Variants in CCDC181 observed in about 807,000 individuals in gnomAD.
The protein encoded by CCDC181 is coiled-coil domain containing 181.
Under a neutral mutation model 58.7 loss-of-function variants are expected in CCDC181, and 35 were observed. The ratio of observed to expected loss-of-function variants is 0.60; its 90% CI spans 0.46 to 0.79. The LOEUF (loss-of-function observed/expected upper bound fraction) is 0.79. Among genes scored for constraint, CCDC181 ranks in the 30% least tolerant of loss-of-function variants. The probability of loss-of-function intolerance (pLI) is 0.00; values close to 1 mark genes in which losing one functional copy is unlikely to be tolerated. For missense variants in CCDC181, 517 were observed against 583.9 expected, an observed-to-expected ratio of 0.89 and a Z score of 1.18; for synonymous variants, 183 against 197.5, an observed-to-expected ratio of 0.93 and a Z score of 0.62.
Position 169,395,092 on chromosome 1 carries a change from A to G in CCDC181, c.1485T>C (p.Tyr495=), listed in dbSNP as rs769603544. 15 of 1,612,788 alleles carry G rather than the reference A, an allele frequency of 9.3e-6. No individual in the cohort carries two copies. Among genetic ancestry groups the G allele is most frequent in the African/African-American group, 1.3e-5 (1 of 74,854 alleles). ...AACGAAAAGGTTTGGCTTCTGACAT[A>G]TATAGGTGGTGCTGTAACTGTTTAG... ...KRSKQLQHHL[Y]MSEAKPFRFT... Residue 495 remains tyrosine (Y), a synonymous_variant, in exon 6 of 6, where the codon TAT becomes TAC. Transcript: ENST00000367806.
chr1:169,448,782 G>A (rs1196390193), intron 2 of CCDC181, among the ~76,000 whole-genome samples: 1 of 151,896 alleles, frequency 6.6e-6, no homozygotes, highest in Non-Finnish European at 1.5e-5. Flanking sequence ...TTCTCTTTTG[G>A]TATTTCAACA....
intron 2 of CCDC181, among the ~76,000 whole-genome samples, chr1:169,434,157 C>T (rs79757681): frequency 0.015 from 2,205 of 151,914 alleles, 58 homozygotes; most frequent in African/African-American, 0.05. Context: ...GACATTTCTC[C>T]GAAAATACAT....
intron 4 of CCDC181, among the ~76,000 whole-genome samples, chr1:169,412,879 T>G (rs1481316415): frequency 6.6e-6 from 1 of 152,144 alleles, no homozygotes; most frequent in Non-Finnish European, 1.5e-5. Flanking sequence ...TAACTCAAGA[T>G]GGATTAAAGA....
intron 4 of CCDC181, among the ~76,000 whole-genome samples, chr1:169,402,567 G>C (rs1225947183): frequency 6.6e-6 from 1 of 152,090 alleles, no homozygotes; most frequent in Admixed American, 6.6e-5. Flanking sequence ...AGCTTCATAA[G>C]TGAAGGAGAA....
intron 2 of CCDC181, 75 bp downstream of exon 2, chr1:169,424,733 GATA>G: frequency 1.3e-6 from 1 of 792,996 alleles, no homozygotes; most frequent in South Asian, 1.8e-5. Flanking sequence ...GTTTAGATGA[GATA>G]ATAATGTGAA....
intron 4 of CCDC181, among the ~76,000 whole-genome samples, chr1:169,401,851 T>C (rs780374421): frequency 7.2e-5 from 11 of 152,066 alleles, no homozygotes; most frequent in Non-Finnish European, 1.5e-4. Context: ...AATAACAAAC[T>C]TCTCCGAGCT....
intron 2 of CCDC181, among the ~76,000 whole-genome samples, chr1:169,436,772 T>G (rs1258683698): frequency 6.6e-6 from 1 of 152,220 alleles, no homozygotes; most frequent in Non-Finnish European, 1.5e-5. Flanking sequence ...TTCATTCAAT[T>G]TAGCCTGTTG....
intron 4 of CCDC181, among the ~76,000 whole-genome samples, chr1:169,399,486 A>AG (rs1378726529): frequency 6.6e-6 from 1 of 152,240 alleles, no homozygotes; most frequent in Non-Finnish European, 1.5e-5. Flanking sequence ...TATCATCAGA[A>AG]TGATAGACTG....
intron 2 of CCDC181, among the ~76,000 whole-genome samples, chr1:169,455,619 T>C (rs1359156072): frequency 6.6e-6 from 1 of 152,124 alleles, no homozygotes; most frequent in East Asian, 1.9e-4. Context: ...TTCAGAGATA[T>C]TAGTGGATAA....
intron 2 of CCDC181, chr1:169,442,614 T>C (rs1260522332): frequency 4.6e-5 from 7 of 152,146 alleles, no homozygotes; most frequent in African/African-American, 1.7e-4. Flanking sequence ...CATTCATTTA[T>C]AGAACACAAA....
upstream of CCDC181, among the ~76,000 whole-genome samples, chr1:169,429,412 C>T (rs529929877): frequency 5.9e-5 from 9 of 152,298 alleles, 1 homozygote; most frequent in South Asian, 1.9e-3. Context: ...AGTTTACATT[C>T]CCATCACCAG....
intron 2 of CCDC181, among the ~76,000 whole-genome samples, chr1:169,440,598 G>T (rs1657189275): frequency 6.6e-6 from 1 of 152,082 alleles, no homozygotes; most frequent in Non-Finnish European, 1.5e-5. Flanking sequence ...GGATCTTTAG[G>T]TAATTCAGAA....
At chr1:169,445,093 G>T (rs1044329542) in intron 2 of CCDC181, among the ~76,000 whole-genome samples, 31 of 152,184 alleles carry the variant, frequency 2.0e-4, no homozygotes, top group Admixed American at 9.2e-4. Context: ...TCTTCCTCAA[G>T]TATAACAAGG....
At chr1:169,417,529 C>G (rs1435384639) in intron 4 of CCDC181, among the ~76,000 whole-genome samples, 1 of 152,168 alleles carries the variant, frequency 6.6e-6, no homozygotes, top group Admixed American at 6.5e-5. Context: ...TTCCCATACC[C>G]TAGAAGCTCT....
At chr1:169,412,779 T>C (rs914270972) in intron 4 of CCDC181, among the ~76,000 whole-genome samples, 1 of 152,180 alleles carries the variant, frequency 6.6e-6, no homozygotes, top group Non-Finnish European at 1.5e-5. Context: ...GGGGAAAGGA[T>C]TCCTTATTTA....
At chr1:169,438,275 A>G (rs1157546698) in intron 2 of CCDC181, among the ~76,000 whole-genome samples, 3 of 151,842 alleles carry the variant, frequency 2.0e-5, no homozygotes, top group Admixed American at 6.6e-5. Flanking sequence ...AAACACACCC[A>G]CAAACAGACT....
At chr1:169,454,233 T>C (rs904233981) in intron 2 of CCDC181, among the ~76,000 whole-genome samples, 5 of 152,066 alleles carry the variant, frequency 3.3e-5, no homozygotes, top group Non-Finnish European at 5.9e-5. Context: ...TATTGGAATA[T>C]ATATAGGCAA....
chr1:169,418,891 A>T (rs1656331488), intron 4 of CCDC181, 122 bp downstream of exon 4: 2 of 692,822 alleles, frequency 2.9e-6, no homozygotes, highest in East Asian at 5.2e-5. Context: ...TTGCAAGGGT[A>T]GTTCTTGAAC....
At chr1:169,438,433 C>T (rs1657115097) in intron 2 of CCDC181, among the ~76,000 whole-genome samples, 1 of 152,082 alleles carries the variant, frequency 6.6e-6, no homozygotes, top group Admixed American at 6.5e-5. Context: ...CTGTGAGGGT[C>T]AAGCCACTTA....
Sources: allele counts gnomAD v4.1 joint callset (sites outside exome capture counted in the v4.1 genomes callset), GRCh38; gene constraint gnomAD v4.1.1; transcripts MANE v1.5; gene names NCBI Gene and HGNC (gene_info 2026-07-23, HGNC 2026-07-21).